The following ARHGAP20 variants were observed in gnomAD, a reference collection of about 807,000 sequenced individuals.
ARHGAP20 encodes rho GTPase-activating protein 20.
Under a neutral mutation model 73.7 loss-of-function variants are expected in ARHGAP20, and 34 were observed. The observed-to-expected ratio is 0.46, with a 90% CI of 0.35 to 0.61. The LOEUF is 0.61. Ranked by LOEUF, ARHGAP20 falls within the 20% of genes least tolerant of loss-of-function variation. The probability of loss-of-function intolerance (pLI) is 0.00; values close to 1 mark genes in which losing one functional copy is unlikely to be tolerated. For missense variants in ARHGAP20, 1,314 were observed against 1,420.9 expected (o/e 0.92, Z 1.21); for synonymous variants, 523 against 518.2 (o/e 1.01, Z -0.13).
At chr11:110,589,021 G>A (rs770034181) in intron 11 of ARHGAP20, among the ~76,000 whole-genome samples, 15 of 152,080 alleles carry the variant, frequency 9.9e-5, no homozygotes, top group South Asian at 8.3e-4. Context: ...GCAGTGAGCC[G>A]AGATCGTGCC....
chr11:110,712,006 C>T (rs1460727020), intron 1 of ARHGAP20, 121 bp downstream of exon 1: 2 of 1,239,620 alleles, frequency 1.6e-6, no homozygotes, highest in Non-Finnish European at 2.0e-6. Flanking sequence ...GGGCCGCGAG[C>T]CTCGAGCGTC....
rs146467024 is a variant in ARHGAP20, at chr11:110,696,730, C to T, written c.106-6101G>A. On this transcript the variant is annotated intron_variant, in intron 1 of 14. Coordinates refer to ENST00000683387, the MANE Select transcript of ARHGAP20 (RefSeq NM_001384657.1). ...TCAACTCTTGCCACCTTACCACCCA[C>T]CTCCCTTTTGGAGTCTCCAGTGTTT... is the stretch of plus-strand genomic sequence containing the variant. Among the ~76,000 whole-genome samples, 568 of 151,686 alleles carry T rather than the reference C, an allele frequency of 3.7e-3. 1 individual carries two copies. The highest frequency in any genetic ancestry group is 6.1e-3 in the Non-Finnish European group (410 of 67,608).
chr11:110,702,259 A>G (rs1292827198), intron 1 of ARHGAP20, among the ~76,000 whole-genome samples: 1 of 152,192 alleles, frequency 6.6e-6, no homozygotes, highest in Admixed American at 6.5e-5. Flanking sequence ...TTAATCCAGC[A>G]TATAAACAGA....
At chr11:110,696,583 TCATGTGCATGTG>T (rs536213035) in intron 1 of ARHGAP20, among the ~76,000 whole-genome samples, 6 of 151,484 alleles carry the variant, frequency 4.0e-5, no homozygotes, top group African/African-American at 9.7e-5. Context: ...AATTCTAGAT[TCATGTGCATGTG>T]CATGTGCATG....
At position 110,580,126 on chromosome 11, in the gene ARHGAP20, G is replaced by A. The variant is rs144136735; in HGVS notation, c.2820C>T (p.Ser940=). Residue 940 remains serine, a synonymous_variant, in exon 15 of 15, where the codon TCC becomes TCT. Transcript: ENST00000683387. ...ATGAGCCGGATGGGGAAGTGCCTGG[G>A]GAGGATAAGCTGGAATAGCTGGTCC... ...CPRTSYSSLS[S]PGTSPSGSSV... is the part of the protein sequence containing the mutation. The A allele has an allele frequency of 6.4e-5, 104 of 1,614,192 alleles. No homozygotes were observed. The African/African-American group carries it at 1.2e-3, about 19-fold the overall frequency.
chr11:110,668,961 T>C (rs889203492), intron 2 of ARHGAP20, among the ~76,000 whole-genome samples: 6 of 152,040 alleles, frequency 3.9e-5, no homozygotes, highest in East Asian at 1.9e-4. Flanking sequence ...ATAAAATATA[T>C]AAAAATTAAC....
At chr11:110,678,740 C>T (rs543820781) in intron 2 of ARHGAP20, among the ~76,000 whole-genome samples, 2 of 152,100 alleles carry the variant, frequency 1.3e-5, no homozygotes, top group African/African-American at 2.4e-5. Context: ...CGGCTCACTG[C>T]GCCTCAACCT....
chr11:110,654,817 A>C (rs556367095), intron 2 of ARHGAP20, among the ~76,000 whole-genome samples: 1 of 152,354 alleles, frequency 6.6e-6, no homozygotes, highest in Admixed American at 6.5e-5. Context: ...GGTTACAGGG[A>C]AAGTGCTCAA....
chr11:110,711,704 G>A, intron 1 of ARHGAP20: 1 of 1,436,742 alleles, frequency 7.0e-7, no homozygotes, highest in Non-Finnish European at 9.1e-7. Context: ...CGCCGGCCCT[G>A]ACTTTGGGGC....
At position 110,580,123 on chromosome 11, in the gene ARHGAP20, T is replaced by TG. The variant is rs1480402323; in HGVS notation, c.2822dup (p.Gly942ArgfsTer21). On this transcript the variant is annotated frameshift_variant, in exon 15 of 15. Transcript: ENST00000683387. LOFTEE classifies it low-confidence loss of function (END_TRUNC). ...CTGATGAGCCGGATGGGGAAGTGCC[T>TG]GGGGAGGATAAGCTGGAATAGCTGG... 6.2e-7 allele frequency: 1 copy of TG among 1,614,152 alleles called. No individual in the cohort carries two copies. The highest frequency in any genetic ancestry group is 8.5e-7 in the Non-Finnish European group (1 of 1,180,018).
intron 2 of ARHGAP20, among the ~76,000 whole-genome samples, chr11:110,673,160 T>C (rs1949863258): frequency 6.6e-6 from 1 of 152,054 alleles, no homozygotes; most frequent in Non-Finnish European, 1.5e-5. Context: ...TGATAAAAGG[T>C]ATAACACACC....
chr11:110,612,173 C>T (rs1948380949), intron 6 of ARHGAP20, among the ~76,000 whole-genome samples: 1 of 151,914 alleles, frequency 6.6e-6, no homozygotes, highest in Non-Finnish European at 1.5e-5. Flanking sequence ...AATCCTAGCA[C>T]TTTGGGAGGC....
In ARHGAP20 at chr11:110,690,588, A is replaced by T. The variant is rs150507110; in HGVS notation, c.147T>A (p.Ser49=). The T allele has an allele frequency of 4.3e-6, 7 of 1,614,100 alleles. No homozygotes were observed. Among genetic ancestry groups the T allele is most frequent in the Non-Finnish European group, 4.2e-6 (5 of 1,179,994 alleles). Residue 49 remains serine (S), a synonymous_variant, in exon 2 of 15, where the codon TCT becomes TCA. Transcript: ENST00000683387. ...TLAERRRSAP[S]LILDKALQKR... The stretch of plus-strand genomic sequence containing the variant: ...TTTGTAGGGCTTTATCCAGGATAAG[A>T]GATGGAGCGCTCCTCCTCCTTTCTG...
intron 9 of ARHGAP20, among the ~76,000 whole-genome samples, chr11:110,596,302 A>G (rs1010888815): frequency 6.6e-6 from 1 of 150,762 alleles, no homozygotes; most frequent in Non-Finnish European, 1.5e-5. Context: ...ATGGGATCTA[A>G]TTAAACTAAA....
chr11:110,692,896 A>G lies in ARHGAP20; in HGVS notation c.106-2267T>C, dbSNP rs147286634. On this transcript the variant is annotated intron_variant, in intron 1 of 14. Transcript: ENST00000683387. Reference sequence around the variant, plus strand: ...AGTGGTTTGTTGAGAAATCTATAAAAGTTGTGAACTAAATTTTGCATGCAA... The same window carrying G: ...AGTGGTTTGTTGAGAAATCTATAAAGGTTGTGAACTAAATTTTGCATGCAA... Among the ~76,000 whole-genome samples, 1,372 of 152,138 alleles carry G rather than the reference A, an allele frequency of 9.0e-3. 8 individuals are homozygous for G. The highest frequency in any genetic ancestry group is 0.015 in the Non-Finnish European group (1,026 of 67,932).
intron 9 of ARHGAP20, among the ~76,000 whole-genome samples, chr11:110,594,314 A>T (rs543999148): frequency 6.6e-6 from 1 of 152,346 alleles, no homozygotes; most frequent in Non-Finnish European, 1.5e-5. Flanking sequence ...CCCAGTTCAG[A>T]AACTTATTTG....
At chr11:110,621,249 G>A (rs961155372) in intron 4 of ARHGAP20, among the ~76,000 whole-genome samples, 1 of 151,922 alleles carries the variant, frequency 6.6e-6, no homozygotes, top group East Asian at 1.9e-4. Context: ...ACATGACTAG[G>A]TATAGTTTTC....
At chr11:110,686,421 T>A (rs1950132973) in intron 2 of ARHGAP20, among the ~76,000 whole-genome samples, 1 of 152,112 alleles carries the variant, frequency 6.6e-6, no homozygotes, top group Non-Finnish European at 1.5e-5. Flanking sequence ...GAAATACAAA[T>A]GATTAATAGT....
intron 1 of ARHGAP20, among the ~76,000 whole-genome samples, chr11:110,697,397 C>A (rs1591186966): frequency 6.6e-6 from 1 of 151,584 alleles, no homozygotes; most frequent in Admixed American, 6.6e-5. Flanking sequence ...AATATCTGTT[C>A]ATGTCCTTTG....
Sources: gnomAD v4.1 joint callset for allele counts (sites outside exome capture counted in the v4.1 genomes callset) on GRCh38, gnomAD v4.1.1 for gene constraint, MANE v1.5 for transcripts, NCBI Gene and HGNC (gene_info 2026-07-23, HGNC 2026-07-21) for gene names.